Variants in INTU observed in about 807,000 individuals in gnomAD.
INTU encodes the protein inturned planar cell polarity protein.
Under a neutral mutation model 100.5 loss-of-function variants are expected in INTU, and 68 were observed. That is an observed-to-expected ratio of 0.68 (90% CI 0.56 to 0.83). The LOEUF (loss-of-function observed/expected upper bound fraction) is 0.83. Ranked by LOEUF, INTU falls within the 40% of genes least tolerant of loss-of-function variation. The probability of loss-of-function intolerance (pLI) is 0.00; values close to 1 mark genes in which losing one functional copy is unlikely to be tolerated. For synonymous variants in INTU, 357 were observed against 395.7 expected (o/e 0.90, Z 1.16); for missense variants, 1,071 against 1,114.7 (o/e 0.96, Z 0.56).
Position 127,707,689 on chromosome 4 carries a change from A to C in INTU, c.2271+720A>C, listed in dbSNP as rs866152675. Among the ~76,000 whole-genome samples, 140 of 152,184 alleles carry C rather than the reference A, an allele frequency of 9.2e-4. 1 individual carries two copies. Among genetic ancestry groups the C allele is most frequent in the African/African-American group, 3.3e-3 (135 of 41,534 alleles). On this transcript the variant is annotated intron_variant, in intron 12 of 15. Coordinates refer to ENST00000335251, the MANE Select transcript of INTU (RefSeq NM_015693.4). Reference sequence around the variant, plus strand: ...TCTCTGTGTGTATTATCCTATTTTTATAGATTTTAAAATCTGAACCTTTGT... The same window carrying C: ...TCTCTGTGTGTATTATCCTATTTTTCTAGATTTTAAAATCTGAACCTTTGT...
At chr4:127,671,687 A>C (rs1240520759) in intron 5 of INTU, among the ~76,000 whole-genome samples, 1 of 152,118 alleles carries the variant, frequency 6.6e-6, no homozygotes, top group Non-Finnish European at 1.5e-5. Context: ...GCTATTCACA[A>C]TAGCAAAGAT....
rs1731322535 is a variant in INTU at position 127,719,974 on chromosome 4, G to A, written c.*3538G>A. 6.6e-6 allele frequency: 1 copy of A among 151,766 alleles called. No homozygotes were observed. The highest frequency in any genetic ancestry group is 2.1e-4 in the South Asian group (1 of 4,802). The allele number at this position is 151,766 out of a possible 1,614,324, so 9.4% of individuals were successfully genotyped here. On this transcript the variant is annotated 3_prime_UTR_variant, in exon 16 of 16. Transcript: ENST00000335251. ...TTTTGAAGGGTTTTTCATGTCTCTA[G>A]CTCCTTCATTTCCACTCTGATTTTG...
rs552595956 is a variant in INTU, at chr4:127,708,516, T to C, written c.2272-55T>C. On this transcript the variant is annotated intron_variant, in intron 12 of 15. Transcript: ENST00000335251. ...GGATGTTTAATTTTTAAATTGTTTC[T>C]GCTATATGATTCCATTCTTAGATAT... 36 of 886,530 alleles carry C rather than the reference T, an allele frequency of 4.1e-5. No homozygotes were observed. In the South Asian group the frequency reaches 4.8e-4, roughly 12 times the overall value. The allele number at this position is 886,530 out of a possible 1,614,324, so 54.9% of individuals were successfully genotyped here. A position where few individuals can be genotyped will look rare whatever the true frequency, so the allele number is the denominator to read the frequency against.
At chr4:127,642,140 GTTAT>G (rs1727362987) in intron 1 of INTU, among the ~76,000 whole-genome samples, 1 of 152,244 alleles carries the variant, frequency 6.6e-6, no homozygotes, top group African/African-American at 2.4e-5. Context: ...TGGGGATATA[GTTAT>G]TTAGACTCTC....
intron 4 of INTU, among the ~76,000 whole-genome samples, chr4:127,665,742 A>T (rs1728668691): frequency 1.3e-5 from 2 of 152,128 alleles, no homozygotes. Context: ...CCAATGAGAG[A>T]AGAGAGAAGG....
intron 8 of INTU, among the ~76,000 whole-genome samples, chr4:127,691,434 G>T (rs190325675): frequency 1.3e-5 from 2 of 152,220 alleles, no homozygotes; most frequent in East Asian, 3.9e-4. Flanking sequence ...AGTTTTGTCA[G>T]TATTTTGGAT....
At chr4:127,642,367 A>G (rs1292487377) in intron 1 of INTU, among the ~76,000 whole-genome samples, 1 of 152,226 alleles carries the variant, frequency 6.6e-6, no homozygotes, top group Non-Finnish European at 1.5e-5. Context: ...ATGTAGCTGA[A>G]AATTCTGTAT....
intron 9 of INTU, 64 bp from the exon 10 acceptor site, chr4:127,704,164 C>A: frequency 7.4e-7 from 1 of 1,345,630 alleles, no homozygotes; most frequent in Non-Finnish European, 1.0e-6. Context: ...ACTATTATAG[C>A]TTAATTGGAA....
intron 14 of INTU, among the ~76,000 whole-genome samples, chr4:127,711,465 GTATT>G (rs1308536246): frequency 9.9e-5 from 15 of 152,106 alleles, no homozygotes; most frequent in African/African-American, 3.6e-4. Context: ...AATTCTTTGA[GTATT>G]TAGCCAATAG....
intron 5 of INTU, among the ~76,000 whole-genome samples, chr4:127,673,616 A>C (rs978833419): frequency 7.2e-6 from 1 of 138,580 alleles, no homozygotes; most frequent in Non-Finnish European, 1.5e-5. Flanking sequence ...TCTTTTTTTG[A>C]GATAGAGTCT....
intron 2 of INTU, among the ~76,000 whole-genome samples, chr4:127,651,565 T>A (rs1309212322): frequency 6.6e-6 from 1 of 152,208 alleles, no homozygotes; most frequent in Admixed American, 6.5e-5. Context: ...TCTGTTCTGT[T>A]CCATTGATCT....
chr4:127,656,697 G>C lies in INTU; in HGVS notation c.744G>C (p.Leu248=), dbSNP rs370919286. 1 of 1,609,706 alleles carries C rather than the reference G, an allele frequency of 6.2e-7. No homozygotes were observed. Residue 248 remains leucine (L), a synonymous_variant, in exon 3 of 16, where the codon CTG becomes CTC. Coordinates refer to ENST00000335251, the MANE Select transcript of INTU (RefSeq NM_015693.4). ...DVTTENIERV[L]SCIPGPMQVK... ...CTACTGAAAACATCGAGAGAGTTCT[G>C]TCTTGCATTCCTGGACCTATGCAGG...
chr4:127,678,573 G>C (rs62334035), intron 6 of INTU, among the ~76,000 whole-genome samples: 10 of 152,126 alleles, frequency 6.6e-5, no homozygotes, highest in Admixed American at 1.3e-4. Flanking sequence ...TCACCACCAG[G>C]CCTGCCCTAA....
chr4:127,651,167 T>C (rs1215625928), intron 2 of INTU, among the ~76,000 whole-genome samples: 2 of 151,510 alleles, frequency 1.3e-5, no homozygotes, highest in Non-Finnish European at 3.0e-5. Flanking sequence ...ATTTTGTAGG[T>C]TGCCTGTTCA....
rs1184080241 is a variant in INTU at position 127,725,028 on chromosome 4, G to GT, written c.*8593dup. On this transcript the variant is annotated 3_prime_UTR_variant, in exon 16 of 16. Transcript: ENST00000335251. The stretch of plus-strand genomic sequence containing the variant: ...AGGCCAGGCACAGTTGCTCACACCT[G>GT]TAACTCCAGCACTTTGGAAGGCTGA... 1.3e-5 allele frequency: 2 copies of GT among 150,994 alleles called. No individual in the cohort carries two copies. The highest frequency in any genetic ancestry group is 2.4e-5 in the African/African-American group (1 of 40,988). The allele number at this position is 150,994 out of a possible 1,614,324, so 9.4% of individuals were successfully genotyped here. A position where few individuals can be genotyped will look rare whatever the true frequency, so the allele number is the denominator to read the frequency against.
At chr4:127,669,521 T>A (rs559174383) in intron 5 of INTU, among the ~76,000 whole-genome samples, 26 of 152,000 alleles carry the variant, frequency 1.7e-4, no homozygotes, top group African/African-American at 6.3e-4. Flanking sequence ...ATTATGAATC[T>A]CAGCTTTTTC....
At position 127,693,896 on chromosome 4, in the gene INTU, C is replaced by T. The variant is rs79308906; in HGVS notation, c.1449+6029C>T. On this transcript the variant is annotated intron_variant, in intron 8 of 15. Transcript: ENST00000335251. ...ATTTATTGACTTATGTATGTTAAACCATCCCTGCATTCCTGGTATGAAACC... is the reference window on the plus strand; with the variant it reads ...ATTTATTGACTTATGTATGTTAAACTATCCCTGCATTCCTGGTATGAAACC... Among the ~76,000 whole-genome samples, 1,519 of 152,134 alleles carry T rather than the reference C, an allele frequency of 1.0e-2. 20 individuals carry two copies. The highest frequency in any genetic ancestry group is 0.034 in the African/African-American group (1,415 of 41,516).
chr4:127,705,398 CTTAAG>C (rs1406858234), intron 10 of INTU, among the ~76,000 whole-genome samples, 188 bp from the exon 11 acceptor site: 2 of 152,130 alleles, frequency 1.3e-5, no homozygotes, highest in Admixed American at 6.5e-5. Flanking sequence ...GTCGGTACAC[CTTAAG>C]TTATCATTTG....
intron 8 of INTU, among the ~76,000 whole-genome samples, chr4:127,688,971 C>CTTTTTTTTT (rs763570146): frequency 3.4e-5 from 3 of 88,024 alleles, no homozygotes; most frequent in African/African-American, 1.2e-4. Flanking sequence ...TTCTTTCTTT[C>CTTTTTTTTT]TTTTTTTTTT....
Sources: gnomAD v4.1 joint callset for allele counts (sites outside exome capture counted in the v4.1 genomes callset) on GRCh38, gnomAD v4.1.1 for gene constraint, MANE v1.5 for transcripts, NCBI Gene and HGNC (gene_info 2026-07-23, HGNC 2026-07-21) for gene names.